Variants in CLEC4A observed in about 807,000 individuals in gnomAD.
The protein encoded by CLEC4A is C-type lectin domain family 4 member A.
CLEC4A carries 27 observed loss-of-function variants against 32.7 expected under a neutral mutation model. The ratio of observed to expected loss-of-function variants is 0.83; its 90% CI spans 0.61 to 1.14. The LOEUF is 1.14. Ranked by LOEUF, CLEC4A falls within the 50% of genes most tolerant of loss-of-function variation. CLEC4A has a pLI of 0.00. For synonymous variants in CLEC4A, 89 were observed against 93.7 expected, an observed-to-expected ratio of 0.95 and a Z score of 0.29; for missense variants, 253 against 274.6, an observed-to-expected ratio of 0.92 and a Z score of 0.55.
At chr12:8,116,619 A>G in the CLEC4A span, among the ~76,000 whole-genome samples, 1 of 152,312 alleles carries the variant, frequency 6.6e-6, no homozygotes, top group Non-Finnish European at 1.5e-5. Context: ...AGTGGTACTA[A>G]TCTTTGTGAT....
At chr12:8,104,535 C>T in the CLEC4A span, among the ~76,000 whole-genome samples, 2 of 152,176 alleles carry the variant, frequency 1.3e-5, no homozygotes, top group African/African-American at 4.8e-5. Flanking sequence ...CTGCCTTCTC[C>T]ACCATATCTT....
intron 4 of CLEC4A, 64 bp downstream of exon 4, chr12:8,135,800 A>AG: frequency 6.5e-7 from 1 of 1,546,726 alleles, no homozygotes; most frequent in Non-Finnish European, 8.8e-7. Flanking sequence ...CTCTTGGCTA[A>AG]GAAGGAGGTT....
At chr12:8,133,199 G>A (rs958906318) in intron 3 of CLEC4A, among the ~76,000 whole-genome samples, 8 of 152,178 alleles carry the variant, frequency 5.3e-5, no homozygotes, top group African/African-American at 1.7e-4. Flanking sequence ...ACAGGTGTGA[G>A]CCACCACGCC....
rs1033805468 is a variant in CLEC4A, at chr12:8,138,495, G to A, written c.*208G>A. On this transcript the variant is annotated 3_prime_UTR_variant, in exon 6 of 6. Coordinates refer to ENST00000229332, the MANE Select transcript of CLEC4A (RefSeq NM_016184.4). The stretch of plus-strand genomic sequence containing the variant: ...ATTGAGCATTTTTTCATGTGCCAGA[G>A]CCTGTACTGGAGGCCCCCATTGTGC... 2.4e-5 allele frequency: 13 copies of A among 542,968 alleles called. No homozygotes were observed. The highest frequency in any genetic ancestry group is 4.7e-4 in the Middle Eastern group (1 of 2,132). 33.6% of individuals were successfully genotyped at this position (542,968 alleles called of 1,614,324 possible). A position where few individuals can be genotyped will look rare whatever the true frequency, so the allele number is the denominator to read the frequency against.
At chr12:8,107,720 C>T in the CLEC4A span, among the ~76,000 whole-genome samples, 1 of 149,422 alleles carries the variant, frequency 6.7e-6, no homozygotes, top group African/African-American at 2.4e-5. Context: ...TCTGTGGGGC[C>T]AATGGTAATG....
chr12:8,121,304 C>T (rs1198564206), upstream of CLEC4A: 1 of 152,152 alleles, frequency 6.6e-6, no homozygotes, highest in East Asian at 1.9e-4. Flanking sequence ...AATATGTGTG[C>T]ATGTATACCT....
At chr12:8,116,656 G>T in the CLEC4A span, among the ~76,000 whole-genome samples, 150 of 152,208 alleles carry the variant, frequency 9.9e-4, no homozygotes, top group African/African-American at 3.6e-3. Context: ...TACTGCTTTT[G>T]ATTTTATTTT....
intron 2 of CLEC4A, among the ~76,000 whole-genome samples, chr12:8,127,820 A>G (rs1947928526): frequency 6.6e-6 from 1 of 152,240 alleles, no homozygotes; most frequent in South Asian, 2.1e-4. Context: ...CAATATTCTG[A>G]CTTTGTAAAC....
chr12:8,126,562 G>T (rs909100472), intron 2 of CLEC4A, among the ~76,000 whole-genome samples: 3 of 152,118 alleles, frequency 2.0e-5, no homozygotes, highest in South Asian at 2.1e-4. Context: ...CATTTAGGTA[G>T]ATTCTTTATT....
rs781029374 is a variant in CLEC4A, at chr12:8,129,254, T to C, written c.200-10T>C. 14 of 1,530,410 alleles carry C rather than the reference T, an allele frequency of 9.1e-6. No individual in the cohort carries two copies. In the South Asian group the frequency reaches 1.6e-4, roughly 18 times the overall value. The allele number at this position is 1,530,410 out of a possible 1,614,324, so 94.8% of individuals were successfully genotyped here. On this transcript the variant is annotated splice_polypyrimidine_tract_variant and intron_variant, in intron 2 of 5. Coordinates refer to ENST00000229332, the MANE Select transcript of CLEC4A (RefSeq NM_016184.4). ...CCAGGAAAATAAATGGTCTTTATTC[T>C]CTTTTCCAGTTTTCTTTCAAAAATA...
At chr12:8,106,083 TC>T in the CLEC4A span, among the ~76,000 whole-genome samples, 1 of 152,162 alleles carries the variant, frequency 6.6e-6, no homozygotes, top group African/African-American at 2.4e-5. Flanking sequence ...AAGGAAGGGG[TC>T]CAGTTTCAAT....
chr12:8,126,726 G>C (rs1947907394), intron 2 of CLEC4A, among the ~76,000 whole-genome samples: 1 of 152,116 alleles, frequency 6.6e-6, no homozygotes, highest in Non-Finnish European at 1.5e-5. Context: ...GGTAAGTGTT[G>C]TACAGTTAAG....
intron 3 of CLEC4A, chr12:8,133,748 C>G: frequency 6.3e-7 from 1 of 1,587,432 alleles, no homozygotes; most frequent in South Asian, 1.1e-5. Context: ...CCCCTGTCCC[C>G]CATTCCTAGA....
chr12:8,115,301 A>G, the CLEC4A span, among the ~76,000 whole-genome samples: 1 of 152,230 alleles, frequency 6.6e-6, no homozygotes. Context: ...TGCCCCAGAC[A>G]TCAATCAGAA....
chr12:8,135,928 G>A (rs10770233), intron 4 of CLEC4A, among the ~76,000 whole-genome samples, 192 bp downstream of exon 4: 133,452 of 152,216 alleles, frequency 0.88, 58,753 homozygotes, highest in East Asian at 0.96. Context: ...TAACCTCCCC[G>A]GAAGAAATTG....
At chr12:8,138,085 A>T in intron 5 of CLEC4A, 55 bp from the exon 6 acceptor site, 1 of 1,573,800 alleles carries the variant, frequency 6.4e-7, no homozygotes, top group African/African-American at 1.4e-5. Context: ...CCTGTCTCTA[A>T]CCCTTTTCAA....
the CLEC4A span, among the ~76,000 whole-genome samples, chr12:8,105,167 A>G: frequency 3.9e-5 from 6 of 152,164 alleles, no homozygotes; most frequent in South Asian, 1.2e-3. Flanking sequence ...ACTTTCTACA[A>G]TGGCTGAACT....
chr12:8,138,231 G>A lies in CLEC4A; in HGVS notation c.658G>A (p.Val220Ile), dbSNP rs1262531243. ...KSPKRWGWNDVNCLGPQRSVC... is the reference protein window; with the variant it reads ...KSPKRWGWNDINCLGPQRSVC... ...ACCCAAAAGATGGGGCTGGAATGATGTTAATTGTCTTGGTCCTCAAAGGTC... is the reference window on the plus strand; with the variant it reads ...ACCCAAAAGATGGGGCTGGAATGATATTAATTGTCTTGGTCCTCAAAGGTC... The change falls in exon 6 of 6, where the codon GTT (valine) becomes ATT (isoleucine). Residue 220 changes from valine (V) to isoleucine (I), a missense_variant. Coordinates refer to ENST00000229332, the MANE Select transcript of CLEC4A (RefSeq NM_016184.4). 1 of 1,614,044 alleles carries A rather than the reference G, an allele frequency of 6.2e-7. No individual in the cohort carries two copies. The highest frequency in any genetic ancestry group is 8.5e-7 in the Non-Finnish European group (1 of 1,180,040).
intron 4 of CLEC4A, among the ~76,000 whole-genome samples, chr12:8,136,171 G>C (rs1948113192): frequency 6.6e-6 from 1 of 152,194 alleles, no homozygotes; most frequent in African/African-American, 2.4e-5. Flanking sequence ...GACTGAATCT[G>C]CCAAAATTTT....
Sources: gnomAD v4.1 joint callset for allele counts (sites outside exome capture counted in the v4.1 genomes callset) on GRCh38, gnomAD v4.1.1 for gene constraint, MANE v1.5 for transcripts, NCBI Gene and HGNC (gene_info 2026-07-23, HGNC 2026-07-21) for gene names.